TMEM232: variants seen among roughly 807,000 people sequenced by gnomAD.
TMEM232 encodes the protein transmembrane protein 232.
Under a neutral mutation model 78.8 loss-of-function variants are expected in TMEM232, and 80 were observed. That is an observed-to-expected ratio of 1.01 (90% confidence interval 0.85 to 1.22). The LOEUF (loss-of-function observed/expected upper bound fraction) is 1.22, where lower values mean the gene tolerates loss of function less well. Ranked by LOEUF, TMEM232 falls within the 50% of genes most tolerant of loss-of-function variation. The pLI is 0.00. For synonymous variants in TMEM232, 297 were observed against 254.3 expected (o/e 1.17, Z -1.60); for missense variants, 881 against 742.2 (o/e 1.19, Z -2.17).
At chr5:110,393,785 C>T (rs1453703398) in intron 3 of TMEM232, among the ~76,000 whole-genome samples, 1 of 151,592 alleles carries the variant, frequency 6.6e-6, no homozygotes, top group Non-Finnish European at 1.5e-5. Context: ...GGTGAAACCC[C>T]ATCTCTACTA....
intron 11 of TMEM232, among the ~76,000 whole-genome samples, chr5:110,531,584 A>C (rs771286152): frequency 3.3e-5 from 5 of 151,932 alleles, no homozygotes; most frequent in Non-Finnish European, 5.9e-5. Flanking sequence ...CTTAATTTCA[A>C]TTACTTTCAT....
chr5:110,563,543 G>A (rs1275472414), intron 11 of TMEM232, among the ~76,000 whole-genome samples: 1 of 151,798 alleles, frequency 6.6e-6, no homozygotes, highest in Non-Finnish European at 1.5e-5. Context: ...AAAGAATAAG[G>A]TTGGGTGAGG....
rs533372591 is a variant in TMEM232 at position 110,527,652 on chromosome 5, C to A, written c.1703+936G>T. On this transcript the variant is annotated intron_variant, in intron 12 of 13. Coordinates refer to ENST00000455884, the MANE Select transcript of TMEM232 (RefSeq NM_001039763.4). The stretch of plus-strand genomic sequence containing the variant: ...AACAATATATAGCAGGTACAATGAA[C>A]AACAACAACAAAAATCCAGAATGGC... Among the ~76,000 whole-genome samples the A allele has an allele frequency of 5.9e-5, 9 of 151,876 alleles. No individual in the cohort carries two copies. In the East Asian group the frequency reaches 7.7e-4, roughly 13 times the overall value.
Position 110,667,503 on chromosome 5 carries a change from A to C in TMEM232, c.-12-139T>G, listed in dbSNP as rs76791956. 27,741 of 599,594 alleles carry C rather than the reference A, an allele frequency of 0.046. 840 individuals carry two copies. The highest frequency in any genetic ancestry group is 0.055 in the South Asian group (1,616 of 29,158). 37.1% of individuals were successfully genotyped at this position (599,594 alleles called of 1,614,324 possible). A position where few individuals can be genotyped will look rare whatever the true frequency, so the allele number is the denominator to read the frequency against. ...AAGAATAATTCTATATTAAGGAAGA[A>C]TTTAAATAAATAAGTAAACCATAAG... On this transcript the variant is annotated intron_variant, in intron 1 of 13. Transcript: ENST00000455884.
intron 1 of TMEM232, among the ~76,000 whole-genome samples, chr5:110,685,217 G>T (rs1793247572): frequency 6.6e-6 from 1 of 151,984 alleles, no homozygotes; most frequent in African/African-American, 2.4e-5. Flanking sequence ...CAAGAAAATG[G>T]CACTTCAGAG....
At chr5:110,529,752 T>G (rs1771153338) in intron 11 of TMEM232, among the ~76,000 whole-genome samples, 1 of 152,214 alleles carries the variant, frequency 6.6e-6, no homozygotes, top group South Asian at 2.1e-4. Context: ...TTCCTTTTCC[T>G]GTTTGATAAT....
At chr5:110,549,291 C>T (rs1413184167) in intron 11 of TMEM232, among the ~76,000 whole-genome samples, 5 of 151,398 alleles carry the variant, frequency 3.3e-5, no homozygotes, top group Non-Finnish European at 1.5e-5. Context: ...AGAGAGAAAA[C>T]ACAGTATCAA....
At chr5:110,483,657 A>T (rs1440829268) in intron 12 of TMEM232, among the ~76,000 whole-genome samples, 1 of 152,004 alleles carries the variant, frequency 6.6e-6, no homozygotes, top group African/African-American at 2.4e-5. Context: ...TTAAATGATG[A>T]GTTAATGGGT....
chr5:110,616,508 C>T (rs969326655), intron 8 of TMEM232, among the ~76,000 whole-genome samples: 1 of 151,932 alleles, frequency 6.6e-6, no homozygotes, highest in East Asian at 1.9e-4. Flanking sequence ...GCAAACCATA[C>T]ATTTTTAACC....
intron 2 of TMEM232, among the ~76,000 whole-genome samples, chr5:110,659,231 T>G (rs1789478122): frequency 6.6e-6 from 1 of 152,090 alleles, no homozygotes; most frequent in Non-Finnish European, 1.5e-5. Flanking sequence ...ATTATCGGTA[T>G]AAAGTATGTA....
At chr5:110,577,402 G>T (rs894448055) in intron 10 of TMEM232, among the ~76,000 whole-genome samples, 1 of 152,114 alleles carries the variant, frequency 6.6e-6, no homozygotes, top group African/African-American at 2.4e-5. Context: ...TGGAGGAAAA[G>T]AAATGCTTAT....
At chr5:110,521,952 G>A (rs1430230669) in intron 12 of TMEM232, among the ~76,000 whole-genome samples, 1 of 152,046 alleles carries the variant, frequency 6.6e-6, no homozygotes, top group Non-Finnish European at 1.5e-5. Context: ...AATCTTTTGT[G>A]TTCCCATATG....
chr5:110,558,688 A>C (rs1775400627), intron 11 of TMEM232, among the ~76,000 whole-genome samples: 1 of 152,142 alleles, frequency 6.6e-6, no homozygotes, highest in Non-Finnish European at 1.5e-5. Flanking sequence ...GAAGCATGGT[A>C]AACTTTGGAG....
chr5:110,685,303 AT>A (rs1210856412), intron 1 of TMEM232, among the ~76,000 whole-genome samples: 1 of 152,154 alleles, frequency 6.6e-6, no homozygotes, highest in Non-Finnish European at 1.5e-5. Context: ...AATGGGAAAA[AT>A]AACAGCAAAG....
At chr5:110,401,412 G>A (rs1262079459) in intron 2 of TMEM232, among the ~76,000 whole-genome samples, 1 of 151,714 alleles carries the variant, frequency 6.6e-6, no homozygotes, top group Non-Finnish European at 1.5e-5. Context: ...AGCCAGGTAC[G>A]ACATGCCTCT....
intron 12 of TMEM232, among the ~76,000 whole-genome samples, chr5:110,472,000 A>G (rs757809106): frequency 6.6e-6 from 1 of 152,044 alleles, no homozygotes; most frequent in African/African-American, 2.4e-5. Context: ...GAAGAAAGAG[A>G]TAAGTTCCTA....
At chr5:110,501,910 G>A (rs989201795) in intron 12 of TMEM232, among the ~76,000 whole-genome samples, 2 of 152,086 alleles carry the variant, frequency 1.3e-5, no homozygotes, top group Admixed American at 1.3e-4. Context: ...GAAGTGAAAT[G>A]TTGCTTAGTT....
At chr5:110,643,811 T>C (rs1182125027) in intron 2 of TMEM232, among the ~76,000 whole-genome samples, 2 of 152,008 alleles carry the variant, frequency 1.3e-5, no homozygotes, top group African/African-American at 4.8e-5. Context: ...CAGTGCCACA[T>C]GATGACAGGC....
intron 5 of TMEM232, chr5:110,628,771 A>T (rs887540614): frequency 6.6e-6 from 1 of 152,030 alleles, no homozygotes; most frequent in East Asian, 1.9e-4. Context: ...AAATAAAATT[A>T]AAAAGATAAA....
Sources: allele counts gnomAD v4.1 joint callset (sites outside exome capture counted in the v4.1 genomes callset), GRCh38; gene constraint gnomAD v4.1.1; transcripts MANE v1.5; gene names NCBI Gene and HGNC (gene_info 2026-07-23, HGNC 2026-07-21).